PDLIM2: variants seen among roughly 807,000 people sequenced by gnomAD.
PDLIM2 encodes PDZ and LIM domain protein 2.
In PDLIM2, 51 loss-of-function variants were observed where a neutral mutation model predicts 54.1. The ratio of observed to expected loss-of-function variants is 0.94; its 90% confidence interval spans 0.75 to 1.19. The LOEUF (loss-of-function observed/expected upper bound fraction) is 1.19, where lower values mean the gene tolerates loss of function less well. Among genes scored for constraint, PDLIM2 ranks in the 50% most tolerant of loss-of-function variants. The probability of loss-of-function intolerance (pLI) is 0.00; values close to 1 mark genes in which losing one functional copy is unlikely to be tolerated. For synonymous variants in PDLIM2, 398 were observed against 385.6 expected (o/e 1.03, Z -0.38); for missense variants, 912 against 874.0 (o/e 1.04, Z -0.55).
In PDLIM2 at chr8:22,584,813, C is replaced by T. The variant is rs760348143; in HGVS notation, c.996-8C>T. On this transcript the variant is annotated splice_region_variant and splice_polypyrimidine_tract_variant and intron_variant, in intron 3 of 9. Coordinates refer to ENST00000308354, the Ensembl canonical transcript of PDLIM2. ...CTGTGACATTCCCTCCCTCTGTTGC[C>T]TTCTCAGGTCTCAGGCTACGTCTCC... 1 of 1,614,032 alleles carries T rather than the reference C, an allele frequency of 6.2e-7. No homozygotes were observed. The highest frequency in any genetic ancestry group is 8.5e-7 in the Non-Finnish European group (1 of 1,179,916).
exon 10 of PDLIM2, chr8:22,593,796 C>T (rs752605488): frequency 1.2e-6 from 2 of 1,605,942 alleles, no homozygotes; most frequent in Non-Finnish European, 1.7e-6. Flanking sequence ...CCTGTGCCGA[C>T]TGTGGGCTGA....
exon 10 of PDLIM2, chr8:22,594,278 T>C (rs1800636020): frequency 2.9e-6 from 4 of 1,395,518 alleles, no homozygotes; most frequent in Admixed American, 3.1e-5. Context: ...TCTATAAATA[T>C]ATGAATATGG....
At chr8:22,593,577 CAAAAAAAAAAAAAAA>C in intron 9 of PDLIM2, 141 bp from the exon 9 acceptor site, 3 of 388,570 alleles carry the variant, frequency 7.7e-6, no homozygotes, top group Middle Eastern at 6.9e-4. Flanking sequence ...AACTCCATCT[CAAAAAAAAAAAAAAA>C]AAAAAAAAAA....
chr8:22,591,869 G>A (rs1186832872), intron 9 of PDLIM2: 8 of 500,338 alleles, frequency 1.6e-5, no homozygotes, highest in Middle Eastern at 5.3e-4. Flanking sequence ...AGCTGCTTCC[G>A]GCTGCATCTC....
rs1401948340 is a variant in PDLIM2, at chr8:22,579,387, G to A, written c.608G>A (p.Gly203Glu). 2.8e-5 allele frequency: 42 copies of A among 1,502,270 alleles called. 1 individual carries two copies. The Admixed American group carries it at 6.5e-4, about 23-fold the overall frequency. 93.1% of individuals were successfully genotyped at this position (1,502,270 alleles called of 1,614,324 possible). A position where few individuals can be genotyped will look rare whatever the true frequency, so the allele number is the denominator to read the frequency against. The change falls in exon 1 of 10, where the codon GGA becomes GAA. Residue 203 changes from glycine (G) to glutamate (E), a missense_variant. Coordinates refer to ENST00000308354, the Ensembl canonical transcript of PDLIM2. ...CCGCGAGCTGCGCTCTCCCCGGCCG[G>A]AGCGCTCCTCCTCCAGCCCCCAGCC...
At chr8:22,589,355 C>T in exon 7 of PDLIM2, 4 of 1,534,884 alleles carry the variant, frequency 2.6e-6, no homozygotes, top group Non-Finnish European at 3.5e-6. Context: ...TTCCCCGGGC[C>T]CTCGTTCCTC....
chr8:22,589,449 G>A (rs1032347191), intron 7 of PDLIM2, 75 bp downstream of exon 6: 149 of 1,529,714 alleles, frequency 9.7e-5, no homozygotes, highest in Middle Eastern at 2.2e-4. Flanking sequence ...GGGCTTCCCC[G>A]AGAGGGATGG....
intron 6 of PDLIM2, 94 bp from the exon 6 acceptor site, chr8:22,589,204 G>C (rs1800461843): frequency 7.3e-7 from 1 of 1,370,870 alleles, no homozygotes; most frequent in Admixed American, 2.0e-5. Flanking sequence ...GGGCCCCCTG[G>C]TGTCGGGCCT....
At chr8:22,585,131 T>C (rs1449109137) in exon 5 of PDLIM2, 1 of 1,613,486 alleles carries the variant, frequency 6.2e-7, no homozygotes, top group Non-Finnish European at 8.5e-7. Context: ...CTCTAGCAGC[T>C]CCCTCACTGG....
At chr8:22,589,807 G>A (rs1586927495) in intron 8 of PDLIM2, 66 bp downstream of exon 7, 1 of 1,538,418 alleles carries the variant, frequency 6.5e-7, no homozygotes, top group Non-Finnish European at 8.8e-7. Flanking sequence ...CTGACTGGAT[G>A]GGTCAGTGAA....
At chr8:22,593,750 T>A in exon 10 of PDLIM2, 2 of 1,595,658 alleles carry the variant, frequency 1.3e-6, no homozygotes, top group Non-Finnish European at 1.7e-6. Context: ...GCTGTGCGCA[T>A]CCAGGAGGGC....
exon 8 of PDLIM2, chr8:22,589,711 T>C (rs1157773471): frequency 6.4e-7 from 1 of 1,571,042 alleles, no homozygotes; most frequent in Admixed American, 1.8e-5. Context: ...CTTTCGGCTC[T>C]TGCAGGAAGC....
At chr8:22,589,190 C>T in intron 6 of PDLIM2, 108 bp from the exon 6 acceptor site, 1 of 1,221,108 alleles carries the variant, frequency 8.2e-7, no homozygotes, top group Non-Finnish European at 1.2e-6. Context: ...TCGGCGAGGG[C>T]CGGGGGCCCC....
chr8:22,591,527 CAT>C (rs762280393), intron 8 of PDLIM2, 22 bp from the exon 8 acceptor site: 9 of 1,602,526 alleles, frequency 5.6e-6, no homozygotes, highest in Middle Eastern at 1.7e-4. Flanking sequence ...GCTCTCACCA[CAT>C]GTCTGTCTGC....
chr8:22,594,334 C>T (rs1416641563), downstream of PDLIM2: 17 of 1,443,764 alleles, frequency 1.2e-5, no homozygotes, highest in African/African-American at 2.9e-5. Flanking sequence ...TACCGCCAGC[C>T]CTGGGTATGA....
intron 1 of PDLIM2, chr8:22,579,716 G>T: frequency 1.6e-6 from 1 of 613,264 alleles, no homozygotes; most frequent in East Asian, 3.5e-5. Flanking sequence ...TGCTGGGCAG[G>T]GTGGTGCCCA....
At position 22,584,961 on chromosome 8, in the gene PDLIM2, AGGGC is replaced by A. The variant is rs1430776141; in HGVS notation, c.1066-53_1066-50del. 2.5e-6 allele frequency: 4 copies of A among 1,613,422 alleles called. No individual in the cohort carries two copies. In the East Asian group the frequency reaches 8.9e-5, roughly 36 times the overall value. On this transcript the variant is annotated intron_variant, in intron 4 of 9. Coordinates refer to ENST00000308354, the Ensembl canonical transcript of PDLIM2. ...GTGCATGAAAGTGAGGCCCGAGGGC[AGGGC>A]GGCCTTGGCGGGGCAGCCCTGCCTT...
intron 8 of PDLIM2, chr8:22,591,303 T>C: frequency 1.8e-6 from 1 of 565,588 alleles, no homozygotes; most frequent in Admixed American, 3.1e-5. Flanking sequence ...CACCTGACAC[T>C]GAGCACAGAT....
chr8:22,584,306 G>T (rs2117345842), intron 3 of PDLIM2, among the ~76,000 whole-genome samples: 1 of 151,898 alleles, frequency 6.6e-6, no homozygotes, highest in Middle Eastern at 3.4e-3. Context: ...GAGCCACCGT[G>T]CCCGGCCTTG....
Sources: allele counts gnomAD v4.1 joint callset (sites outside exome capture counted in the v4.1 genomes callset), GRCh38; gene constraint gnomAD v4.1.1; transcripts MANE v1.5; gene names NCBI Gene and HGNC (gene_info 2026-07-23, HGNC 2026-07-21).